LDLRAP1: variants seen among roughly 807,000 people sequenced by gnomAD.
LDLRAP1 encodes the protein low density lipoprotein receptor adaptor protein 1.
Under a neutral mutation model 37.8 loss-of-function variants are expected in LDLRAP1, and 30 were observed. The ratio of observed to expected loss-of-function variants is 0.79; its 90% CI spans 0.59 to 1.08. The LOEUF is 1.08. Ranked by LOEUF, LDLRAP1 falls within the 50% of genes least tolerant of loss-of-function variation. LDLRAP1 has a pLI of 0.00. For missense variants in LDLRAP1, 375 were observed against 401.6 expected (o/e 0.93, Z 0.57); for synonymous variants, 156 against 169.8 (o/e 0.92, Z 0.63).
At chr1:25,543,902 G>C in intron 1 of LDLRAP1, 116 bp downstream of exon 1, 8 of 595,358 alleles carry the variant, frequency 1.3e-5, no homozygotes, top group Non-Finnish European at 1.9e-5. Context: ...CCGGCGCTCC[G>C]GTCCCGGCGT....
chr1:25,589,834 G>A, the LDLRAP1 span, among the ~76,000 whole-genome samples: 1 of 152,236 alleles, frequency 6.6e-6, no homozygotes. Context: ...CGGGCGCGGT[G>A]GCTCATGCCT....
the LDLRAP1 span, among the ~76,000 whole-genome samples, chr1:25,579,708 C>T: frequency 2.0e-5 from 3 of 152,300 alleles, no homozygotes; most frequent in South Asian, 2.1e-4. Context: ...ATAGCAGTGT[C>T]GACTCAGACC....
At chr1:25,556,330 C>T (rs1029519450) in intron 3 of LDLRAP1, among the ~76,000 whole-genome samples, 3 of 152,198 alleles carry the variant, frequency 2.0e-5, no homozygotes, top group South Asian at 4.1e-4. Flanking sequence ...GCCGAGGGCT[C>T]GGGTGGCCCC....
chr1:25,557,992 C>T (rs956336475), intron 4 of LDLRAP1, among the ~76,000 whole-genome samples: 3 of 152,048 alleles, frequency 2.0e-5, no homozygotes, highest in Non-Finnish European at 2.9e-5. Context: ...CCCCTCCCTG[C>T]GTGACTGGGG....
chr1:25,582,736 A>G, the LDLRAP1 span, among the ~76,000 whole-genome samples: 209 of 152,218 alleles, frequency 1.4e-3, 1 homozygote, highest in Admixed American at 4.1e-3. Context: ...TAAAAATAAC[A>G]GCTTTATTGT....
intron 1 of LDLRAP1, 71 bp from the exon 2 acceptor site, chr1:25,553,851 G>C (rs1438006049): frequency 5.7e-6 from 9 of 1,584,182 alleles, no homozygotes; most frequent in Non-Finnish European, 7.7e-6. Context: ...AGGAAAGAAG[G>C]CTGGTGAGAG....
chr1:25,589,226 C>T, the LDLRAP1 span, among the ~76,000 whole-genome samples: 1 of 151,994 alleles, frequency 6.6e-6, no homozygotes, highest in Admixed American at 6.6e-5. Context: ...ATTGCTTGAA[C>T]CTGGGAGGTG....
chr1:25,564,864 A>G (rs892911912), intron 7 of LDLRAP1: 1 of 396,030 alleles, frequency 2.5e-6, no homozygotes, highest in East Asian at 4.5e-5. Context: ...GCTGAGTTTC[A>G]ACGTGGAGCA....
the LDLRAP1 span, among the ~76,000 whole-genome samples, chr1:25,579,306 C>T: frequency 1.3e-5 from 2 of 152,176 alleles, no homozygotes; most frequent in African/African-American, 4.8e-5. Flanking sequence ...TCCACCTCCA[C>T]GTGCGCAGCT....
Position 25,568,203 on chromosome 1 carries a change from A to G in LDLRAP1, c.*1211A>G, listed in dbSNP as rs1271574437. On this transcript the variant is annotated 3_prime_UTR_variant, in exon 9 of 9. Coordinates refer to ENST00000374338, the MANE Select transcript of LDLRAP1 (RefSeq NM_015627.3). ...ACTGGCAGGAGCCTCGTGTCCTGCT[A>G]GCTGTCTCTCTTGTTGATTTCCGTG... is the stretch of plus-strand genomic sequence containing the variant. The G allele has an allele frequency of 6.6e-6, 1 of 152,596 alleles. No individual in the cohort carries two copies. Among genetic ancestry groups the G allele is most frequent in the Non-Finnish European group, 1.5e-5 (1 of 68,040 alleles). The allele number at this position is 152,596 out of a possible 1,614,324, so 9.5% of individuals were successfully genotyped here.
the LDLRAP1 span, among the ~76,000 whole-genome samples, chr1:25,588,939 C>T: frequency 1.3e-5 from 2 of 152,122 alleles, no homozygotes; most frequent in South Asian, 2.1e-4. Context: ...ATGTGCTCTC[C>T]CCGCTGCCTG....
downstream of LDLRAP1, among the ~76,000 whole-genome samples, chr1:25,569,229 G>A (rs1312715087): frequency 6.6e-6 from 1 of 152,218 alleles, no homozygotes; most frequent in Admixed American, 6.5e-5. Context: ...CCACGTGGGC[G>A]TTTTCCACAG....
chr1:25,586,767 ACCAGGGATG>A, the LDLRAP1 span, among the ~76,000 whole-genome samples: 13 of 152,084 alleles, frequency 8.5e-5, no homozygotes, highest in African/African-American at 3.1e-4. This position sits in a 1 kb window ranked among gnomAD's most constrained non-coding sequence, Gnocchi z 4.3. Context: ...GGGGGCCCTG[ACCAGGGATG>A]CCTGAGCCCT....
chr1:25,545,396 T>G (rs2043909814), intron 1 of LDLRAP1, among the ~76,000 whole-genome samples: 1 of 152,316 alleles, frequency 6.6e-6, no homozygotes. Flanking sequence ...AAGTCACTTG[T>G]CCTTTCTGAT....
intron 4 of LDLRAP1, among the ~76,000 whole-genome samples, chr1:25,558,975 T>C (rs1323070070): frequency 6.6e-6 from 1 of 152,166 alleles, no homozygotes; most frequent in Non-Finnish European, 1.5e-5. Context: ...TCTGGGCTGC[T>C]TGCCTATCAG....
At chr1:25,581,841 G>C in the LDLRAP1 span, 1 of 152,348 alleles carries the variant, frequency 6.6e-6, no homozygotes, top group Non-Finnish European at 1.5e-5. Flanking sequence ...CAGGCAGGAG[G>C]GGGCAGCCCC....
intron 3 of LDLRAP1, among the ~76,000 whole-genome samples, chr1:25,556,265 CTG>C (rs1192156647): frequency 1.3e-5 from 2 of 152,128 alleles, no homozygotes; most frequent in African/African-American, 2.4e-5. Context: ...GATTGAGACT[CTG>C]AGGCTGACTG....
At chr1:25,573,857 CCCA>C (rs1317605439), downstream of LDLRAP1, among the ~76,000 whole-genome samples, 1 of 152,202 alleles carries the variant, frequency 6.6e-6, no homozygotes, top group Non-Finnish European at 1.5e-5. Flanking sequence ...TGATTGAGTG[CCCA>C]CCACATGCCA....
intron 1 of LDLRAP1, among the ~76,000 whole-genome samples, chr1:25,546,506 T>TA (rs2043937137): frequency 6.6e-6 from 1 of 152,188 alleles, no homozygotes; most frequent in Non-Finnish European, 1.5e-5. Flanking sequence ...TGGCTTTTCC[T>TA]ATCCCCTGGG....
Sources: allele counts gnomAD v4.1 joint callset (sites outside exome capture counted in the v4.1 genomes callset), GRCh38; gene constraint gnomAD v4.1.1; non-coding constraint Gnocchi (gnomAD v3.1); transcripts MANE v1.5; gene names NCBI Gene and HGNC (gene_info 2026-07-23, HGNC 2026-07-21).